Variants in NEBL observed in about 807,000 individuals in gnomAD.
NEBL encodes nebulette.
Under a neutral mutation model 140.2 loss-of-function variants are expected in NEBL, and 122 were observed. The observed-to-expected ratio is 0.87, with a 90% CI of 0.75 to 1.01. NEBL has a LOEUF of 1.01. Among genes scored for constraint, NEBL ranks in the 50% least tolerant of loss-of-function variants. NEBL has a pLI of 0.00. For synonymous variants in NEBL, 436 were observed against 398.9 expected (o/e 1.09, Z -1.11); for missense variants, 1,365 against 1,231.3 (o/e 1.11, Z -1.62).
chr10:20,959,299 A>T (rs1835943763), intron 4 of NEBL, among the ~76,000 whole-genome samples: 1 of 152,176 alleles, frequency 6.6e-6, no homozygotes, highest in Admixed American at 6.6e-5. Context: ...TATAATTTTC[A>T]GGATTATAAT....
upstream of NEBL, among the ~76,000 whole-genome samples, chr10:21,178,430 C>T (rs377173290): frequency 6.6e-6 from 1 of 152,070 alleles, no homozygotes; most frequent in East Asian, 1.9e-4. Context: ...CTCTAGATAC[C>T]ATGGAAGAAC....
chr10:20,939,953 G>C lies in NEBL; in HGVS notation c.357+21719C>G, dbSNP rs1233502719. ...CATAAAGCAAGTCCTTAGAGACCCAGAAAGAGAATTAGACTCCCACACAAT... is the reference window on the plus strand; with the variant it reads ...CATAAAGCAAGTCCTTAGAGACCCACAAAGAGAATTAGACTCCCACACAAT... On this transcript the variant is annotated intron_variant, in intron 4 of 6. Coordinates refer to the NEBL transcript ENST00000417816. Among the ~76,000 whole-genome samples the C allele has an allele frequency of 3.3e-5, 5 of 151,780 alleles. No individual in the cohort carries two copies. The East Asian group carries it at 7.8e-4, about 24-fold the overall frequency.
chr10:20,935,524 C>T (rs1438971903), intron 4 of NEBL, among the ~76,000 whole-genome samples: 3 of 152,140 alleles, frequency 2.0e-5, no homozygotes, highest in South Asian at 2.1e-4. Context: ...GGAAATCACA[C>T]GGACTTTGGC....
chr10:20,991,229 G>A (rs1262658387), intron 3 of NEBL, among the ~76,000 whole-genome samples: 2 of 151,848 alleles, frequency 1.3e-5, no homozygotes, highest in African/African-American at 4.8e-5. Context: ...GTATATAGGA[G>A]ATTTTTTACA....
chr10:21,160,568 G>C (rs1255188004), intron 2 of NEBL, among the ~76,000 whole-genome samples: 1 of 142,802 alleles, frequency 7.0e-6, no homozygotes, highest in Non-Finnish European at 1.5e-5. Context: ...TTAATGTTAA[G>C]AGAATCAGAG....
chr10:20,793,815 C>T (rs183373773), intron 26 of NEBL, among the ~76,000 whole-genome samples: 16 of 152,158 alleles, frequency 1.1e-4, no homozygotes, highest in Non-Finnish European at 1.9e-4. Context: ...CTTGGCCTCC[C>T]AAAATGCTGG....
intron 2 of NEBL, among the ~76,000 whole-genome samples, chr10:21,137,351 A>G (rs1037312108): frequency 2.6e-5 from 4 of 152,358 alleles, no homozygotes; most frequent in Middle Eastern, 6.8e-3. Context: ...AGTTAGCCAC[A>G]GCTATTCTTG....
intron 11 of NEBL, among the ~76,000 whole-genome samples, chr10:20,846,164 T>C (rs769244777): frequency 6.6e-6 from 1 of 152,166 alleles, no homozygotes; most frequent in Non-Finnish European, 1.5e-5. Context: ...TGATAATGCA[T>C]GCTTTATGAC....
intron 1 of NEBL, among the ~76,000 whole-genome samples, chr10:21,266,984 T>G (rs1001149438): frequency 6.6e-6 from 1 of 151,942 alleles, no homozygotes. Context: ...TTTTGTTTTT[T>G]GTTTTTTTCA....
chr10:20,806,561 G>C (rs963941164), intron 26 of NEBL, among the ~76,000 whole-genome samples: 13 of 152,230 alleles, frequency 8.5e-5, no homozygotes, highest in Non-Finnish European at 1.8e-4. Context: ...CAGCTGCGCT[G>C]TTATTGTAGC....
At position 21,119,575 on chromosome 10, in the gene NEBL, A is replaced by G. The variant is rs1589253411; in HGVS notation, c.164+52808T>C. 2.0e-5 allele frequency among the ~76,000 whole-genome samples: 3 copies of G among 151,386 alleles called. No homozygotes were observed. The South Asian group carries it at 6.2e-4, about 31-fold the overall frequency. Reference sequence around the variant, plus strand: ...ATTTTTATTATAAATGAATATTACCATACATGTTTTAGATAATTTACATGT... The same window carrying G: ...ATTTTTATTATAAATGAATATTACCGTACATGTTTTAGATAATTTACATGT... On this transcript the variant is annotated intron_variant, in intron 2 of 6. Transcript: ENST00000417816.
At chr10:20,796,283 C>T (rs1588618754) in intron 26 of NEBL, among the ~76,000 whole-genome samples, 2 of 145,818 alleles carry the variant, frequency 1.4e-5, no homozygotes, top group East Asian at 4.2e-4. Context: ...CGCTTGAACC[C>T]AGGAGGCAGA....
At position 20,996,375 on chromosome 10, in the gene NEBL, T is replaced by G. The variant is rs114010699; in HGVS notation, c.249+23742A>C. Reference sequence around the variant, plus strand: ...ATTTTCAACACTGATCAATGTCACTTTATAGACAGCGAAGTGAAAATGCAG... The same window carrying G: ...ATTTTCAACACTGATCAATGTCACTGTATAGACAGCGAAGTGAAAATGCAG... On this transcript the variant is annotated intron_variant, in intron 3 of 6. Coordinates refer to the NEBL transcript ENST00000417816. Among the ~76,000 whole-genome samples the G allele has an allele frequency of 4.9e-3, 743 of 152,298 alleles. 6 individuals carry two copies. Among genetic ancestry groups the G allele is most frequent in the African/African-American group, 0.017 (716 of 41,564 alleles).
intron 2 of NEBL, chr10:21,170,826 C>A (rs1841039643): frequency 6.6e-6 from 1 of 152,014 alleles, no homozygotes; most frequent in Non-Finnish European, 1.5e-5. Context: ...ATTTGCTTAC[C>A]AAAAATATAC....
intron 4 of NEBL, among the ~76,000 whole-genome samples, chr10:20,956,027 A>T (rs1446881055): frequency 2.0e-5 from 3 of 152,160 alleles, no homozygotes; most frequent in African/African-American, 4.8e-5. Flanking sequence ...ATGCACAAGT[A>T]ATTACTGGTC....
Position 20,859,624 on chromosome 10 carries a change from C to A in NEBL, c.798+89G>T, listed in dbSNP as rs111944506. ...AGTTCAACTACAAATTACTTGGAAG[C>A]TAAGTATCAGTAATTACAACACAGT... On this transcript the variant is annotated intron_variant, in intron 8 of 27. Coordinates refer to ENST00000377122, the MANE Select transcript of NEBL (RefSeq NM_006393.3). 1,018 of 786,946 alleles carry A rather than the reference C, an allele frequency of 1.3e-3. 10 individuals carry two copies. In the African/African-American group the frequency reaches 0.016, roughly 13 times the overall value. 48.7% of individuals were successfully genotyped at this position (786,946 alleles called of 1,614,324 possible).
intron 2 of NEBL, among the ~76,000 whole-genome samples, chr10:20,895,925 T>A (rs1400342045): frequency 6.6e-6 from 1 of 152,188 alleles, no homozygotes; most frequent in Non-Finnish European, 1.5e-5. Flanking sequence ...AATCTTATTA[T>A]AAATGTTACA....
At chr10:21,190,396 A>G (rs1382255666) in intron 3 of NEBL, among the ~76,000 whole-genome samples, 1 of 152,200 alleles carries the variant, frequency 6.6e-6, no homozygotes. Flanking sequence ...AAGCAGGAGA[A>G]TTGCTTGAGC....
intron 3 of NEBL, among the ~76,000 whole-genome samples, chr10:21,226,180 G>C (rs1206825841): frequency 1.3e-5 from 2 of 151,846 alleles, no homozygotes; most frequent in Non-Finnish European, 2.9e-5. Flanking sequence ...AGAAATGTCA[G>C]GGAGCTAGAG....
Sources: allele counts gnomAD v4.1 joint callset (sites outside exome capture counted in the v4.1 genomes callset), GRCh38; gene constraint gnomAD v4.1.1; transcripts MANE v1.5; gene names NCBI Gene and HGNC (gene_info 2026-07-23, HGNC 2026-07-21).